The following MED1 variants were observed in gnomAD, a reference collection of about 807,000 sequenced individuals.
The protein encoded by MED1 is mediator of RNA polymerase II transcription subunit 1.
MED1 carries 17 observed loss-of-function variants against 121.3 expected under a neutral mutation model. The ratio of observed to expected loss-of-function variants is 0.14; its 90% CI spans 0.10 to 0.21. The LOEUF is 0.21. Ranked by LOEUF, MED1 falls within the 10% of genes least tolerant of loss-of-function variation. The pLI is 1.00. For missense variants in MED1, 1,558 were observed against 1,919.4 expected (o/e 0.81, Z 3.52); for synonymous variants, 661 against 694.4 (o/e 0.95, Z 0.76).
At chr17:39,412,512 AC>A (rs1447192034) in intron 16 of MED1, among the ~76,000 whole-genome samples, 1 of 142,072 alleles carries the variant, frequency 7.0e-6, no homozygotes, top group Admixed American at 7.1e-5. Context: ...GTGAGCCACC[AC>A]ACCCAGCCAG....
chr17:39,427,892 T>A, intron 9 of MED1, 102 bp from the exon 10 acceptor site: 1 of 729,362 alleles, frequency 1.4e-6, no homozygotes, highest in East Asian at 2.9e-5. Flanking sequence ...GAAAGTACTT[T>A]AACATATATG....
chr17:39,434,607 C>A (rs1482350617), intron 6 of MED1, among the ~76,000 whole-genome samples: 1 of 152,148 alleles, frequency 6.6e-6, no homozygotes, highest in African/African-American at 2.4e-5. Context: ...TTTATTAGCT[C>A]CCAAGCAATG....
At chr17:39,419,600 GA>G (rs369221829) in intron 14 of MED1, 116 bp downstream of exon 14, 26,258 of 808,196 alleles carry the variant, frequency 0.032, 103 homozygotes, top group African/African-American at 0.045. Context: ...TGCCAAATAT[GA>G]AAAAAAAAAA....
chr17:39,438,686 C>T (rs1281101292), intron 6 of MED1, among the ~76,000 whole-genome samples: 3 of 151,838 alleles, frequency 2.0e-5, no homozygotes, highest in Non-Finnish European at 4.4e-5. Context: ...CTTGGCCAGT[C>T]TGGTCTTGAA....
At chr17:39,420,590 AG>A (rs1353578749) in intron 13 of MED1, among the ~76,000 whole-genome samples, 2 of 152,000 alleles carry the variant, frequency 1.3e-5, no homozygotes, top group Admixed American at 1.3e-4. Context: ...TAAAAGATTC[AG>A]ATAAATACAA....
At position 39,405,307 on chromosome 17, in the gene MED1, A is replaced by G. The variant is rs2048294738; in HGVS notation, c.*2168T>C. On this transcript the variant is annotated 3_prime_UTR_variant, in exon 17 of 17. Transcript: ENST00000300651. ...CCAGATCCTAACTCGGGATTCTTTG[A>G]TCTGGGATGAAGACAGAAAGAGAGA... 3.1e-6 allele frequency: 5 copies of G among 1,603,782 alleles called. No homozygotes were observed. The East Asian group carries it at 1.1e-4, about 36-fold the overall frequency.
chr17:39,411,317 C>CA (rs35370252), intron 16 of MED1, among the ~76,000 whole-genome samples: 31 of 137,404 alleles, frequency 2.3e-4, no homozygotes, highest in East Asian at 8.8e-4. Context: ...GACTCCGTCT[C>CA]AAAAAAAAAA....
intron 5 of MED1, among the ~76,000 whole-genome samples, chr17:39,439,706 G>A (rs2048653417): frequency 6.6e-6 from 1 of 152,098 alleles, no homozygotes; most frequent in African/African-American, 2.4e-5. Context: ...GGGAGGCTGA[G>A]GCAGGTGGAT....
At chr17:39,443,190 C>A (rs2144770381) in intron 3 of MED1, among the ~76,000 whole-genome samples, 1 of 151,396 alleles carries the variant, frequency 6.6e-6, no homozygotes, top group Middle Eastern at 3.4e-3. Context: ...TTAGTAGAGA[C>A]AGGGTTTCAC....
chr17:39,431,311 CTT>C, intron 8 of MED1, 123 bp from the exon 9 acceptor site: 2 of 758,878 alleles, frequency 2.6e-6, no homozygotes, highest in Non-Finnish European at 2.1e-6. Context: ...GAGTTTCGCT[CTT>C]GTCGCCCAGG....
At chr17:39,413,966 C>A in intron 16 of MED1, among the ~76,000 whole-genome samples, 1 of 146,994 alleles carries the variant, frequency 6.8e-6, no homozygotes, top group Non-Finnish European at 1.5e-5. Flanking sequence ...GTGGCTCACG[C>A]CTGTAATCCC....
At chr17:39,432,923 G>C (rs1322849750) in intron 7 of MED1, among the ~76,000 whole-genome samples, 1 of 152,130 alleles carries the variant, frequency 6.6e-6, no homozygotes, top group East Asian at 1.9e-4. Context: ...AAATTAGCCA[G>C]GTGGCTGGGC....
intron 2 of MED1, among the ~76,000 whole-genome samples, chr17:39,447,462 G>A (rs2048739506): frequency 6.6e-6 from 1 of 151,460 alleles, no homozygotes; most frequent in African/African-American, 2.4e-5. Context: ...TAAATATGTT[G>A]TATAAAATTA....
rs543717414 is a variant in MED1 at position 39,441,540 on chromosome 17, G to A, written c.212-863C>T. Among the ~76,000 whole-genome samples the A allele has an allele frequency of 6.6e-5, 10 of 152,308 alleles. No homozygotes were observed. In the South Asian group the frequency reaches 1.9e-3, roughly 28 times the overall value. ...TAATCCTAACACTTTCGGAGACCGA[G>A]GCATGCGGATCACAAGGTCAGGGGT... On this transcript the variant is annotated intron_variant, in intron 3 of 16. Transcript: ENST00000300651.
rs776608134 is a variant in MED1, at chr17:39,424,742, G to C, written c.740-4C>G. The C allele has an allele frequency of 6.4e-7, 1 of 1,551,076 alleles. No homozygotes were observed. The highest frequency in any genetic ancestry group is 8.9e-7 in the Non-Finnish European group (1 of 1,126,048). ...TTCATGCCCAAAGATCGAGAAACTG[G>C]GGATAGGAAAGAAAAAGGGTATTCC... On this transcript the variant is annotated splice_region_variant and splice_polypyrimidine_tract_variant and intron_variant, in intron 10 of 16. Coordinates refer to ENST00000300651, the MANE Select transcript of MED1 (RefSeq NM_004774.4).
At chr17:39,430,658 A>G (rs1368882958) in intron 9 of MED1, among the ~76,000 whole-genome samples, 1 of 146,876 alleles carries the variant, frequency 6.8e-6, no homozygotes, top group Non-Finnish European at 1.5e-5. Flanking sequence ...GCGCCACTGT[A>G]CTCCAGCCTG....
Position 39,409,709 on chromosome 17 carries a change from G to T in MED1, c.2512C>A (p.Pro838Thr). 6.2e-7 allele frequency: 1 copy of T among 1,612,412 alleles called. No homozygotes were observed. The highest frequency in any genetic ancestry group is 2.2e-5 in the East Asian group (1 of 44,886). The change falls in exon 17 of 17, where the codon CCA (proline) becomes ACA (threonine). Residue 838 changes from proline (P) to threonine (T), a missense_variant. Coordinates refer to ENST00000300651, the MANE Select transcript of MED1 (RefSeq NM_004774.4). ...TNNNENPYTD[P>T]ADLIADAAGS... The stretch of plus-strand genomic sequence containing the variant: ...GCAGCATCTGCAATAAGATCAGCTG[G>T]ATCAGTGTATGGATTTTCATTATTG...
At chr17:39,422,217 GC>G (rs2048471794) in intron 13 of MED1, among the ~76,000 whole-genome samples, 1 of 151,250 alleles carries the variant, frequency 6.6e-6, no homozygotes, top group East Asian at 2.0e-4. Context: ...AGGCTGAAGC[GC>G]AGTGGTGCGA....
Position 39,423,419 on chromosome 17 carries a change from T to C in MED1, c.1003A>G (p.Thr335Ala). The change falls in exon 13 of 17, where the codon ACT becomes GCT. Residue 335 changes from threonine (T) to alanine (A), a missense_variant. Thr to Ala is a moderately conservative substitution (Grantham distance 58, BLOSUM62 0). Around this residue, in one of 5 missense-constraint regions of MED1, gnomAD observed 443 missense variants for 532.4 expected, o/e 0.83. Coordinates refer to ENST00000300651, the MANE Select transcript of MED1 (RefSeq NM_004774.4). ...TGIPLFETQP[T>A]YAPLYELITQ... ...ATCAGTTCATACAGGGGTGCATAAG[T>C]TGGTTGAGTTTCAAACAATGGAATT... 2 of 1,613,672 alleles carry C rather than the reference T, an allele frequency of 1.2e-6. No homozygotes were observed. Among genetic ancestry groups the C allele is most frequent in the South Asian group, 2.2e-5 (2 of 91,062 alleles).
Sources: allele counts gnomAD v4.1 joint callset (sites outside exome capture counted in the v4.1 genomes callset), GRCh38; gene constraint gnomAD v4.1.1; regional missense constraint gnomAD v4.1.1; transcripts MANE v1.5; gene names NCBI Gene and HGNC (gene_info 2026-07-23, HGNC 2026-07-21).